The following GNL3L variants were observed in gnomAD, a reference collection of about 807,000 sequenced individuals.
GNL3L encodes G protein nucleolar 3 like, also known as guanine nucleotide-binding protein-like 3-like protein.
Under a neutral mutation model 42.9 loss-of-function variants are expected in GNL3L, and 4 were observed. That is an observed-to-expected ratio of 0.09 (90% confidence interval 0.05 to 0.21). The LOEUF is 0.21. Ranked by LOEUF, GNL3L falls within the 10% of genes least tolerant of loss-of-function variation. The pLI is 1.00. For synonymous variants in GNL3L, 159 were observed against 176.3 expected, an observed-to-expected ratio of 0.90 and a Z score of 0.78; for missense variants, 412 against 481.7, an observed-to-expected ratio of 0.86 and a Z score of 1.36.
At chrX:54,598,806 G>T (rs1290884765) in intron 16 of GNL3L, among the ~76,000 whole-genome samples, 1 of 111,402 alleles carries the variant, frequency 9.0e-6, no homozygotes, top group Non-Finnish European at 1.9e-5. Flanking sequence ...ATGTCAATAG[G>T]TAATTCTAAT....
chrX:54,552,285 A>G lies in GNL3L; in HGVS notation c.1182-7A>G. ...GCACCACTCATCTCCCCTATCTCCC[A>G]ATGCAGCGGGAAGATCAGCTTCTAT... On this transcript the variant is annotated splice_region_variant and splice_polypyrimidine_tract_variant and intron_variant, in intron 12 of 15. Coordinates refer to ENST00000360845, the MANE Select transcript of GNL3L (RefSeq NM_001184819.2). 3 of 1,206,175 alleles carry G rather than the reference A, an allele frequency of 2.5e-6. No homozygotes were observed. The highest frequency in any genetic ancestry group is 3.4e-6 in the Non-Finnish European group (3 of 890,539).
chrX:54,572,806 G>A (rs868227160), intron 16 of GNL3L, among the ~76,000 whole-genome samples: 15 of 106,355 alleles, frequency 1.4e-4, no homozygotes, highest in African/African-American at 4.1e-4. Flanking sequence ...GCTGCCGGGC[G>A]GAGGGTCTCC....
At chrX:54,553,073 C>T (rs948270118) in intron 13 of GNL3L, among the ~76,000 whole-genome samples, 6 of 112,251 alleles carry the variant, frequency 5.3e-5, no homozygotes, top group African/African-American at 1.6e-4. Flanking sequence ...ACAGTAAGTC[C>T]ACCCGATAAG....
At chrX:54,626,697 T>A in the GNL3L span, among the ~76,000 whole-genome samples, 1 of 111,979 alleles carries the variant, frequency 8.9e-6, no homozygotes, top group Non-Finnish European at 1.9e-5. Context: ...TTTGTCTTTT[T>A]GAAAATAGCC....
downstream of GNL3L, among the ~76,000 whole-genome samples, chrX:54,570,866 T>TTTAA: frequency 8.9e-6 from 1 of 111,745 alleles, no homozygotes; most frequent in East Asian, 2.8e-4. Context: ...AAGTCCTCTT[T>TTTAA]TAAAGAGATT....
At chrX:54,601,333 T>A (rs755827082) in intron 16 of GNL3L, among the ~76,000 whole-genome samples, 119 of 111,800 alleles carry the variant, frequency 1.1e-3, no homozygotes, top group Non-Finnish European at 1.4e-3. Context: ...GTGTGTACTT[T>A]AAATGGGTGT....
chrX:54,622,273 A>ATTT (rs773487259), downstream of GNL3L, among the ~76,000 whole-genome samples: 291 of 59,010 alleles, frequency 4.9e-3, 39 homozygotes, highest in African/African-American at 0.028. Flanking sequence ...AGTTGCAGGA[A>ATTT]TTTTTTTTTT....
intron 10 of GNL3L, 81 bp from the exon 11 acceptor site, chrX:54,551,487 C>T (rs767298122): frequency 3.2e-5 from 27 of 853,136 alleles, no homozygotes; most frequent in Non-Finnish European, 4.4e-5. Flanking sequence ...CTCCTTTACA[C>T]TCCCACATCC....
intron 16 of GNL3L, among the ~76,000 whole-genome samples, chrX:54,578,850 C>G (rs935196089): frequency 1.8e-5 from 2 of 112,051 alleles, no homozygotes; most frequent in Admixed American, 9.6e-5. Flanking sequence ...TATGGGAGTT[C>G]CAGTTTGTCT....
At chrX:54,570,639 C>T (rs1275389746), downstream of GNL3L, among the ~76,000 whole-genome samples, 1 of 108,140 alleles carries the variant, frequency 9.2e-6, no homozygotes, top group Non-Finnish European at 1.9e-5. Flanking sequence ...CCTTTTTCTG[C>T]CTTCTTTTGG....
intron 16 of GNL3L, among the ~76,000 whole-genome samples, chrX:54,616,496 C>T (rs1926221703): frequency 8.9e-6 from 1 of 112,136 alleles, no homozygotes; most frequent in African/African-American, 3.2e-5. Context: ...TGGATAGAGA[C>T]AGGAAGTCTT....
chrX:54,547,447 G>T (rs972944181), intron 8 of GNL3L, among the ~76,000 whole-genome samples: 4 of 110,750 alleles, frequency 3.6e-5, no homozygotes, highest in Non-Finnish European at 5.7e-5. Context: ...GCTCATGCCC[G>T]TAATCCCAGC....
chrX:54,614,824 C>G (rs1397886414), intron 16 of GNL3L, among the ~76,000 whole-genome samples: 1 of 111,159 alleles, frequency 9.0e-6, no homozygotes, highest in East Asian at 2.8e-4. Flanking sequence ...TCTTTGGGTC[C>G]TCTTGGGATT....
chrX:54,632,048 C>T, the GNL3L span, among the ~76,000 whole-genome samples: 13 of 112,059 alleles, frequency 1.2e-4, no homozygotes, highest in Admixed American at 1.0e-3. Context: ...TCACTGGATA[C>T]AAAATTTTTG....
At chrX:54,624,693 G>A (rs6521779), downstream of GNL3L, among the ~76,000 whole-genome samples, 16,028 of 109,072 alleles carry the variant, frequency 0.15, 1,955 homozygotes, top group African/African-American at 0.41. Flanking sequence ...CGCCTGCCTC[G>A]GCCTCCCAAA....
At chrX:54,536,849 G>A in intron 2 of GNL3L, among the ~76,000 whole-genome samples, 1 of 106,488 alleles carries the variant, frequency 9.4e-6, no homozygotes. Flanking sequence ...AAGGAAGGAA[G>A]GAAAGGAAAG....
At position 54,565,894 on chromosome X, in the gene GNL3L, C is replaced by G. The variant is rs1369879096; in HGVS notation, c.*5292C>G. On this transcript the variant is annotated 3_prime_UTR_variant, in exon 16 of 16. Transcript: ENST00000360845. ...GGAGTGTAGTGGTGCAATCTCGGCT[C>G]ACTGCAACCTCTGCCTCCTGGGTTC... Among the ~76,000 whole-genome samples, 1 of 98,498 alleles carries G rather than the reference C, an allele frequency of 1.0e-5. No homozygotes were observed. Among genetic ancestry groups the G allele is most frequent in the Non-Finnish European group, 2.0e-5 (1 of 50,150 alleles). The allele number at this position is 98,498 out of a possible 115,157, so 85.5% of individuals were successfully genotyped here. A position where few individuals can be genotyped will look rare whatever the true frequency, so the allele number is the denominator to read the frequency against.
At chrX:54,601,526 A>T (rs963268846) in intron 16 of GNL3L, among the ~76,000 whole-genome samples, 2 of 111,701 alleles carry the variant, frequency 1.8e-5, no homozygotes, top group African/African-American at 6.5e-5. Flanking sequence ...TAGTGGGATG[A>T]CCAGAGAAAA....
intron 16 of GNL3L, among the ~76,000 whole-genome samples, chrX:54,592,918 C>G (rs912997199): frequency 1.9e-4 from 21 of 111,309 alleles, no homozygotes; most frequent in Admixed American, 9.5e-5. Flanking sequence ...TATGATGTAT[C>G]AGAGTAGTTG....
Sources: gnomAD v4.1 joint callset for allele counts (sites outside exome capture counted in the v4.1 genomes callset) on GRCh38, gnomAD v4.1.1 for gene constraint, MANE v1.5 for transcripts, NCBI Gene and HGNC (gene_info 2026-07-23, HGNC 2026-07-21) for gene names.